The following PLXDC2 variants were observed in gnomAD, a reference collection of about 807,000 sequenced individuals.
The protein encoded by PLXDC2 is plexin domain-containing protein 2.
Under a neutral mutation model 68.9 loss-of-function variants are expected in PLXDC2, and 40 were observed. The ratio of observed to expected loss-of-function variants is 0.58; its 90% CI spans 0.45 to 0.76. The LOEUF (loss-of-function observed/expected upper bound fraction) is 0.76, where lower values mean the gene tolerates loss of function less well. Among genes scored for constraint, PLXDC2 ranks in the 30% least tolerant of loss-of-function variants. The pLI is 0.00. For synonymous variants in PLXDC2, 243 were observed against 234.2 expected, an observed-to-expected ratio of 1.04 and a Z score of -0.34; for missense variants, 644 against 661.9, an observed-to-expected ratio of 0.97 and a Z score of 0.30.
At chr10:19,984,437 C>T (rs192315752) in intron 1 of PLXDC2, among the ~76,000 whole-genome samples, 6 of 152,324 alleles carry the variant, frequency 3.9e-5, no homozygotes, top group Admixed American at 3.9e-4. Flanking sequence ...TCTTTATTCA[C>T]ATGCCATTCT....
chr10:20,126,006 T>C (rs1833769320), intron 4 of PLXDC2, among the ~76,000 whole-genome samples: 1 of 148,558 alleles, frequency 6.7e-6, no homozygotes, highest in South Asian at 2.1e-4. Flanking sequence ...CAACCTATTA[T>C]ACAAACACTA....
chr10:20,226,925 T>C (rs1835294434), intron 12 of PLXDC2, among the ~76,000 whole-genome samples: 1 of 151,840 alleles, frequency 6.6e-6, no homozygotes, highest in Non-Finnish European at 1.5e-5. Context: ...CATTAGATTT[T>C]GGAATCTGAG....
intron 4 of PLXDC2, among the ~76,000 whole-genome samples, chr10:20,140,027 G>A (rs999234293): frequency 5.3e-5 from 8 of 152,240 alleles, no homozygotes; most frequent in African/African-American, 1.9e-4. Flanking sequence ...ACGGCCAGGC[G>A]TGGTGGCACA....
intron 1 of PLXDC2, among the ~76,000 whole-genome samples, chr10:19,886,315 C>G (rs934224244): frequency 2.0e-5 from 3 of 152,158 alleles, no homozygotes; most frequent in African/African-American, 4.8e-5. Flanking sequence ...GACAATTTGA[C>G]TTCCTCTTTT....
rs542396699 is a variant in PLXDC2 at position 20,229,328 on chromosome 10, C to G, written c.1312+10226C>G. Among the ~76,000 whole-genome samples the G allele has an allele frequency of 3.2e-4, 48 of 151,914 alleles. No individual in the cohort carries two copies. The South Asian group carries it at 9.8e-3, about 31-fold the overall frequency. On this transcript the variant is annotated intron_variant, in intron 12 of 13. Transcript: ENST00000377252. ...CATGGTGTTTAGGAGTTGAAAGACC[C>G]ATAAAACATGAAACAGGAATGGGAA...
intron 1 of PLXDC2, among the ~76,000 whole-genome samples, chr10:19,973,653 A>G (rs1176270340): frequency 2.0e-5 from 3 of 152,182 alleles, no homozygotes; most frequent in Non-Finnish European, 4.4e-5. Context: ...CAGTACAGGA[A>G]AAAGTTATAA....
At chr10:19,975,415 G>A (rs949055928) in intron 1 of PLXDC2, among the ~76,000 whole-genome samples, 3 of 152,078 alleles carry the variant, frequency 2.0e-5, no homozygotes, top group African/African-American at 7.2e-5. Flanking sequence ...CAGAGATCGC[G>A]CCTCTGCCCT....
rs1261529227 is a variant in PLXDC2 at position 20,238,369 on chromosome 10, A to T, written c.1313-6976A>T. 4.6e-5 allele frequency among the ~76,000 whole-genome samples: 7 copies of T among 151,236 alleles called. No homozygotes were observed. In the East Asian group the frequency reaches 1.4e-3, roughly 30 times the overall value. On this transcript the variant is annotated intron_variant, in intron 12 of 13. Transcript: ENST00000377252. ...ATTTTAAAAATATGTTCTCTTGGCC[A>T]GGTGCGGTGGCTCACACCCGTAATT...
Position 20,200,110 on chromosome 10 carries a change from T to G in PLXDC2, c.1062-11559T>G, listed in dbSNP as rs142051180. ...AAGAAAAGGTTGGAAGACTTCACTATGTAAATATACAAACTGCTGTATGCC... is the reference window on the plus strand; with the variant it reads ...AAGAAAAGGTTGGAAGACTTCACTAGGTAAATATACAAACTGCTGTATGCC... On this transcript the variant is annotated intron_variant, in intron 9 of 13. Coordinates refer to ENST00000377252, the MANE Select transcript of PLXDC2 (RefSeq NM_032812.9). Among the ~76,000 whole-genome samples the G allele has an allele frequency of 8.7e-3, 1,313 of 151,570 alleles. 18 individuals are homozygous for G. Among genetic ancestry groups the G allele is most frequent in the African/African-American group, 0.029 (1,213 of 41,438 alleles).
intron 13 of PLXDC2, among the ~76,000 whole-genome samples, chr10:20,275,835 T>C (rs1363040840): frequency 6.6e-6 from 1 of 151,990 alleles, no homozygotes; most frequent in Admixed American, 6.6e-5. Flanking sequence ...ATCGCTTTAA[T>C]CCAGAAGGCA....
chr10:19,916,439 G>A (rs1343981564), intron 1 of PLXDC2, among the ~76,000 whole-genome samples: 3 of 151,512 alleles, frequency 2.0e-5, no homozygotes, highest in East Asian at 1.9e-4. Flanking sequence ...GTGAGCCATC[G>A]TGCCCAACCT....
At chr10:19,833,673 A>G (rs1342382912) in intron 1 of PLXDC2, among the ~76,000 whole-genome samples, 1 of 152,220 alleles carries the variant, frequency 6.6e-6, no homozygotes, top group African/African-American at 2.4e-5. Flanking sequence ...ACTTGTTTCT[A>G]GGGATAAATA....
At chr10:20,206,873 C>CACACAG (rs1039124397) in intron 9 of PLXDC2, among the ~76,000 whole-genome samples, 2 of 146,846 alleles carry the variant, frequency 1.4e-5, no homozygotes, top group Non-Finnish European at 2.9e-5. Flanking sequence ...CACACACACA[C>CACACAG]AGACACACAC....
chr10:20,005,183 A>G (rs748699711), intron 2 of PLXDC2, among the ~76,000 whole-genome samples: 1 of 152,230 alleles, frequency 6.6e-6, no homozygotes, highest in Non-Finnish European at 1.5e-5. Flanking sequence ...GCAAAAGGAA[A>G]GACAAATGAC....
intron 13 of PLXDC2, 53 bp downstream of exon 13, chr10:20,245,558 G>A (rs757020532): frequency 1.0e-4 from 153 of 1,530,444 alleles, no homozygotes; most frequent in Middle Eastern, 2.4e-4. Flanking sequence ...AACTGTATCC[G>A]TTTGCTAACA....
intron 1 of PLXDC2, among the ~76,000 whole-genome samples, chr10:19,955,356 C>CCATTT (rs1453403455): frequency 1.3e-5 from 2 of 151,956 alleles, no homozygotes; most frequent in African/African-American, 4.8e-5. Context: ...TTGTACCAAA[C>CCATTT]TGAACTATGT....
chr10:20,263,021 C>T (rs1835828700), intron 13 of PLXDC2, among the ~76,000 whole-genome samples: 1 of 152,208 alleles, frequency 6.6e-6, no homozygotes, highest in Non-Finnish European at 1.5e-5. Context: ...GGAGCAAAGA[C>T]CCTAAGTACC....
chr10:20,143,025 T>C (rs1834026908), intron 4 of PLXDC2, among the ~76,000 whole-genome samples: 1 of 152,050 alleles, frequency 6.6e-6, no homozygotes, highest in Non-Finnish European at 1.5e-5. Flanking sequence ...AATAATCTCA[T>C]CCAGATAATG....
intron 7 of PLXDC2, among the ~76,000 whole-genome samples, chr10:20,170,497 T>C (rs1834433807): frequency 6.6e-6 from 1 of 152,196 alleles, no homozygotes; most frequent in African/African-American, 2.4e-5. Context: ...GCACAGGCAG[T>C]AATTTTTTAA....
Sources: gnomAD v4.1 joint callset for allele counts (sites outside exome capture counted in the v4.1 genomes callset) on GRCh38, gnomAD v4.1.1 for gene constraint, MANE v1.5 for transcripts, NCBI Gene and HGNC (gene_info 2026-07-23, HGNC 2026-07-21) for gene names.